Variants in COL26A1 observed in about 807,000 individuals in gnomAD.
COL26A1 encodes the protein collagen type XXVI alpha 1 chain.
Under a neutral mutation model 59.3 loss-of-function variants are expected in COL26A1, and 41 were observed. The ratio of observed to expected loss-of-function variants is 0.69; its 90% CI spans 0.54 to 0.90. The LOEUF is 0.90. Among genes scored for constraint, COL26A1 ranks in the 40% least tolerant of loss-of-function variants. The pLI is 0.00. For synonymous variants in COL26A1, 266 were observed against 256.0 expected (o/e 1.04, Z -0.37); for missense variants, 612 against 602.3 (o/e 1.02, Z -0.17).
chr7:101,498,901 T>C (rs1794643603), intron 3 of COL26A1, among the ~76,000 whole-genome samples: 1 of 152,174 alleles, frequency 6.6e-6, no homozygotes, highest in Non-Finnish European at 1.5e-5. Flanking sequence ...AATCTGGTCT[T>C]CATCGAGCGC....
At chr7:101,549,254 G>C in intron 9 of COL26A1, 31 bp downstream of exon 9, 2 of 1,527,442 alleles carry the variant, frequency 1.3e-6, no homozygotes, top group Non-Finnish European at 1.8e-6. Flanking sequence ...GGTAGGGTGT[G>C]GGAGGCGGCG....
In COL26A1 at chr7:101,476,142, T is replaced by TTGTGTGTGTGTGTGTG. The variant is rs56666965; in HGVS notation, c.385+28376_385+28391dup. Among the ~76,000 whole-genome samples, 697 of 146,318 alleles carry TTGTGTGTGTGTGTGTG rather than the reference T, an allele frequency of 4.8e-3. 7 individuals are homozygous for TTGTGTGTGTGTGTGTG. Among genetic ancestry groups the TTGTGTGTGTGTGTGTG allele is most frequent in the African/African-American group, 0.017 (670 of 39,662 alleles). ...GGTGCATGCCACCACTCCCAGCTAA[T>TTGTGTGTGTGTGTGTG]TGTGTGTGTGTGTGTGTGTGTGTGT... On this transcript the variant is annotated intron_variant, in intron 3 of 12. Transcript: ENST00000313669.
At chr7:101,548,556 G>A (rs1795788282) in intron 8 of COL26A1, among the ~76,000 whole-genome samples, 1 of 151,764 alleles carries the variant, frequency 6.6e-6, no homozygotes, top group African/African-American at 2.4e-5. Flanking sequence ...TGTCAGACTG[G>A]TAGGAAAACC....
intron 3 of COL26A1, among the ~76,000 whole-genome samples, chr7:101,487,001 C>G (rs1393934850): frequency 6.6e-6 from 1 of 152,114 alleles, no homozygotes; most frequent in Non-Finnish European, 1.5e-5. Context: ...GAGCCTGGGC[C>G]GACAGCTCCC....
At chr7:101,365,179 G>T (rs1176733181) in intron 1 of COL26A1, among the ~76,000 whole-genome samples, 2 of 152,226 alleles carry the variant, frequency 1.3e-5, no homozygotes, top group Non-Finnish European at 2.9e-5. Flanking sequence ...ACCCACGCTA[G>T]TGTGGCCTCT....
At chr7:101,520,466 C>T (rs1390328419) in intron 3 of COL26A1, among the ~76,000 whole-genome samples, 2 of 152,132 alleles carry the variant, frequency 1.3e-5, no homozygotes, top group Non-Finnish European at 2.9e-5. Context: ...GGGAGAATTG[C>T]TTGCGGCCAG....
Position 101,525,583 on chromosome 7 carries a change from G to A in COL26A1, c.386-7499G>A, listed in dbSNP as rs558629795. On this transcript the variant is annotated intron_variant, in intron 3 of 12. Transcript: ENST00000313669. The stretch of plus-strand genomic sequence containing the variant: ...ATGATCTTGGCTCACTGCAAGCTCC[G>A]CCTCCCGGGTTCAAGCAATTCTCCT... Among the ~76,000 whole-genome samples, 11 of 150,576 alleles carry A rather than the reference G, an allele frequency of 7.3e-5. No individual in the cohort carries two copies. The East Asian group carries it at 2.0e-3, about 27-fold the overall frequency.
chr7:101,551,041 G>A, intron 9 of COL26A1, 67 bp from the exon 10 acceptor site: 2 of 1,489,086 alleles, frequency 1.3e-6, no homozygotes, highest in Non-Finnish European at 1.8e-6. Context: ...GGAGGGGGGT[G>A]GCCAGAGGGC....
intron 3 of COL26A1, among the ~76,000 whole-genome samples, chr7:101,509,313 G>A (rs909634397): frequency 6.6e-6 from 1 of 151,888 alleles, no homozygotes; most frequent in East Asian, 1.9e-4. Context: ...AGACGTGGTA[G>A]CAGGCGCCTG....
At chr7:101,495,392 C>T (rs1450509972) in intron 3 of COL26A1, among the ~76,000 whole-genome samples, 3 of 150,430 alleles carry the variant, frequency 2.0e-5, no homozygotes, top group African/African-American at 7.4e-5. Context: ...GCAGGGGCTA[C>T]GTATGGGCAG....
intron 3 of COL26A1, among the ~76,000 whole-genome samples, chr7:101,508,865 T>C (rs1161571169): frequency 6.6e-6 from 1 of 151,922 alleles, no homozygotes; most frequent in East Asian, 2.0e-4. Context: ...GGGTAATGTA[T>C]ACAGAAAAGA....
At chr7:101,490,006 G>A (rs1279569612) in intron 3 of COL26A1, among the ~76,000 whole-genome samples, 9 of 148,278 alleles carry the variant, frequency 6.1e-5, no homozygotes, top group African/African-American at 1.5e-4. Context: ...GCCCGATCTC[G>A]GCTCACTGCA....
At chr7:101,430,278 T>C (rs1227305882) in intron 2 of COL26A1, among the ~76,000 whole-genome samples, 1 of 151,948 alleles carries the variant, frequency 6.6e-6, no homozygotes, top group East Asian at 1.9e-4. Context: ...TTTCTTTCTC[T>C]CTTTCTCTCT....
At chr7:101,484,785 C>A (rs191745718) in intron 3 of COL26A1, among the ~76,000 whole-genome samples, 2 of 152,126 alleles carry the variant, frequency 1.3e-5, no homozygotes, top group African/African-American at 2.4e-5. Flanking sequence ...GCCTCAGCCT[C>A]CCGAGTAGCT....
chr7:101,422,235 C>T lies in COL26A1; in HGVS notation c.281+2136C>T, dbSNP rs532245860. 4.0e-3 allele frequency among the ~76,000 whole-genome samples: 599 copies of T among 151,062 alleles called. 1 individual carries two copies. Among genetic ancestry groups the T allele is most frequent in the African/African-American group, 0.013 (537 of 41,044 alleles). On this transcript the variant is annotated intron_variant, in intron 2 of 12. Transcript: ENST00000313669. Reference sequence around the variant, plus strand: ...GCTAAGGCAGGAGAATCACTTGAACCGGGAGAAGGAGGTTGCAGTGAGCTG... The same window carrying T: ...GCTAAGGCAGGAGAATCACTTGAACTGGGAGAAGGAGGTTGCAGTGAGCTG...
chr7:101,473,924 T>C (rs1054811610), intron 3 of COL26A1, among the ~76,000 whole-genome samples: 2 of 151,830 alleles, frequency 1.3e-5, no homozygotes, highest in African/African-American at 4.8e-5. Context: ...ATCAATGAAA[T>C]GGGAAAAAAT....
intron 1 of COL26A1, among the ~76,000 whole-genome samples, chr7:101,363,883 C>T (rs1790974836): frequency 6.6e-6 from 1 of 152,136 alleles, no homozygotes; most frequent in African/African-American, 2.4e-5. Flanking sequence ...CAAGGCCTCG[C>T]GTCCCGGGCA....
chr7:101,379,025 A>G (rs1426634062), intron 1 of COL26A1, among the ~76,000 whole-genome samples: 3 of 152,052 alleles, frequency 2.0e-5, no homozygotes, highest in African/African-American at 7.2e-5. Context: ...AGAAGGTAGC[A>G]GTTTCCTTCT....
intron 3 of COL26A1, among the ~76,000 whole-genome samples, chr7:101,495,123 CAGG>C (rs1167294129): frequency 1.3e-5 from 2 of 152,188 alleles, no homozygotes; most frequent in African/African-American, 4.8e-5. Context: ...CTGAGAATGT[CAGG>C]AGATCAGGGG....
Sources: gnomAD v4.1 joint callset for allele counts (sites outside exome capture counted in the v4.1 genomes callset) on GRCh38, gnomAD v4.1.1 for gene constraint, MANE v1.5 for transcripts, NCBI Gene and HGNC (gene_info 2026-07-23, HGNC 2026-07-21) for gene names.